The following ATP9B variants were observed in gnomAD, a reference collection of about 807,000 sequenced individuals.
ATP9B encodes the protein probable phospholipid-transporting ATPase IIB.
Under a neutral mutation model 146.1 loss-of-function variants are expected in ATP9B, and 110 were observed. That is an observed-to-expected ratio of 0.75 (90% CI 0.65 to 0.88). The LOEUF (loss-of-function observed/expected upper bound fraction) is 0.88. Among genes scored for constraint, ATP9B ranks in the 40% least tolerant of loss-of-function variants. The pLI is 0.00. For missense variants in ATP9B, 1,499 were observed against 1,496.4 expected, an observed-to-expected ratio of 1.00 and a Z score of -0.03; for synonymous variants, 604 against 569.7, an observed-to-expected ratio of 1.06 and a Z score of -0.86.
At chr18:79,274,180 CAT>C (rs2096283226) in intron 12 of ATP9B, among the ~76,000 whole-genome samples, 1 of 152,198 alleles carries the variant, frequency 6.6e-6, no homozygotes, top group Admixed American at 6.5e-5. Context: ...GGGGGGGTGA[CAT>C]ATTATGTTAC....
At chr18:79,367,179 G>C (rs113607408) in intron 26 of ATP9B, among the ~76,000 whole-genome samples, 2 of 30,984 alleles carry the variant, frequency 6.5e-5, no homozygotes, top group Non-Finnish European at 1.2e-4. Flanking sequence ...AGAGCACACA[G>C]ATACCTTCAC....
chr18:79,089,905 A>G (rs1029727174), intron 1 of ATP9B, among the ~76,000 whole-genome samples: 17 of 152,126 alleles, frequency 1.1e-4, no homozygotes, highest in Non-Finnish European at 2.4e-4. Context: ...TTACCCATCC[A>G]TTCTTTGTCC....
intron 10 of ATP9B, among the ~76,000 whole-genome samples, chr18:79,209,961 C>G (rs1449267727): frequency 6.6e-6 from 1 of 152,126 alleles, no homozygotes; most frequent in Non-Finnish European, 1.5e-5. Context: ...TACTCTTATA[C>G]TTTAAAAGTC....
At chr18:79,210,594 G>T (rs915272538) in intron 10 of ATP9B, among the ~76,000 whole-genome samples, 1 of 152,232 alleles carries the variant, frequency 6.6e-6, no homozygotes, top group Non-Finnish European at 1.5e-5. Flanking sequence ...TCAGTTCACG[G>T]TCTTCATCAG....
intron 1 of ATP9B, among the ~76,000 whole-genome samples, chr18:79,071,003 A>G (rs1391438690): frequency 8.0e-6 from 1 of 124,514 alleles, no homozygotes; most frequent in African/African-American, 3.1e-5. Context: ...TGTGCCATTT[A>G]TTATCTGTGT....
intron 12 of ATP9B, among the ~76,000 whole-genome samples, chr18:79,276,657 A>G (rs965148323): frequency 6.6e-6 from 1 of 152,212 alleles, no homozygotes; most frequent in Non-Finnish European, 1.5e-5. Flanking sequence ...TTTCTGTCCC[A>G]TCTGGTGTTA....
rs57366646 is a variant in ATP9B at position 79,249,079 on chromosome 18, TAA to T, written c.1108-4289_1108-4288del. Among the ~76,000 whole-genome samples, 776 of 141,606 alleles carry T rather than the reference TAA, an allele frequency of 5.5e-3. 11 individuals are homozygous for T. The highest frequency in any genetic ancestry group is 0.018 in the African/African-American group (694 of 39,004). The allele number at this position is 141,606 out of a possible 152,430, so 92.9% of individuals were successfully genotyped here. A position where few individuals can be genotyped will look rare whatever the true frequency, so the allele number is the denominator to read the frequency against. On this transcript the variant is annotated intron_variant, in intron 11 of 29. Coordinates refer to ENST00000426216, the MANE Select transcript of ATP9B (RefSeq NM_198531.5). Reference sequence around the variant, plus strand: ...ATTCTCACTCGTCCGAGCATTCATTTAAAAAAAAAAAAAAGCCTGATCTTTTC... The same window carrying T: ...ATTCTCACTCGTCCGAGCATTCATTTAAAAAAAAAAAAGCCTGATCTTTTC...
intron 1 of ATP9B, among the ~76,000 whole-genome samples, chr18:79,083,551 ATC>A (rs1358527541): frequency 1.3e-5 from 2 of 152,250 alleles, no homozygotes; most frequent in South Asian, 4.1e-4. Flanking sequence ...ATCGAAAGGA[ATC>A]TCCTGGTCTG....
At chr18:79,299,999 G>A (rs1188001385) in intron 13 of ATP9B, 3 of 152,336 alleles carry the variant, frequency 2.0e-5, no homozygotes, top group Non-Finnish European at 4.4e-5. Flanking sequence ...TTGGTAAGCA[G>A]TGGCGAGGCA....
rs1031423410 is a variant in ATP9B at position 79,083,802 on chromosome 18, C to T, written c.120-12674C>T. On this transcript the variant is annotated intron_variant, in intron 1 of 29. Transcript: ENST00000426216. ...CTCAGTTAGAAATGCAGAAATAACT[C>T]GCCTTTTGCCTTGATCTCATTGGGA... Among the ~76,000 whole-genome samples, 8 of 151,962 alleles carry T rather than the reference C, an allele frequency of 5.3e-5. 1 individual carries two copies. Among genetic ancestry groups the T allele is most frequent in the South Asian group, 4.2e-4 (2 of 4,810 alleles).
At chr18:79,087,950 G>A (rs1019356426) in intron 1 of ATP9B, among the ~76,000 whole-genome samples, 2 of 152,056 alleles carry the variant, frequency 1.3e-5, no homozygotes, top group South Asian at 2.1e-4. Context: ...GATTTTTCTT[G>A]AGTGACAAAC....
At chr18:79,218,228 T>C (rs546682636) in intron 11 of ATP9B, among the ~76,000 whole-genome samples, 1 of 151,138 alleles carries the variant, frequency 6.6e-6, no homozygotes, top group Admixed American at 6.6e-5. Flanking sequence ...TCGTGTTCCA[T>C]GTCCGGCACA....
intron 9 of ATP9B, among the ~76,000 whole-genome samples, chr18:79,193,737 C>A (rs1212091004): frequency 6.6e-6 from 1 of 152,210 alleles, no homozygotes; most frequent in Non-Finnish European, 1.5e-5. Context: ...TTGCCCCTGA[C>A]TAACAGGGCT....
chr18:79,108,287 T>A (rs1242401362), intron 2 of ATP9B, among the ~76,000 whole-genome samples: 1 of 152,176 alleles, frequency 6.6e-6, no homozygotes, highest in Non-Finnish European at 1.5e-5. Flanking sequence ...TTACTCTATT[T>A]TATTTGAAGC....
intron 23 of ATP9B, among the ~76,000 whole-genome samples, chr18:79,346,383 C>G (rs191199948): frequency 0.022 from 3,340 of 151,658 alleles, 59 homozygotes; most frequent in Middle Eastern, 0.055. Context: ...ACTTGGTACA[C>G]TTGTTTAGCA....
intron 5 of ATP9B, among the ~76,000 whole-genome samples, chr18:79,138,814 C>G (rs375967469): frequency 1.5e-5 from 2 of 133,690 alleles, no homozygotes; most frequent in South Asian, 5.5e-4. Flanking sequence ...GGTGTGGTGG[C>G]TCCTGCCGTA....
chr18:79,105,382 T>G (rs11873561), intron 2 of ATP9B, among the ~76,000 whole-genome samples: 10,520 of 152,228 alleles, frequency 0.069, 1,265 homozygotes, highest in African/African-American at 0.24. Context: ...ATTGTAACTA[T>G]TATTAATGAG....
At position 79,274,300 on chromosome 18, in the gene ATP9B, A is replaced by G. The variant is rs192315747; in HGVS notation, c.1269-2754A>G. Among the ~76,000 whole-genome samples, 12 of 152,356 alleles carry G rather than the reference A, an allele frequency of 7.9e-5. No individual in the cohort carries two copies. In the East Asian group the frequency reaches 1.7e-3, roughly 22 times the overall value. On this transcript the variant is annotated intron_variant, in intron 12 of 29. Transcript: ENST00000426216. ...CAGCAGTGATAGCTATACTCTGCCA[A>G]CTTAGTGTTTGAAATCTGAGCATCA...
At chr18:79,297,425 C>T (rs902178716) in intron 13 of ATP9B, among the ~76,000 whole-genome samples, 1 of 152,228 alleles carries the variant, frequency 6.6e-6, no homozygotes, top group Non-Finnish European at 1.5e-5. Flanking sequence ...CCAGACACCA[C>T]AGGGGCTAGC....
Sources: allele counts gnomAD v4.1 joint callset (sites outside exome capture counted in the v4.1 genomes callset), GRCh38; gene constraint gnomAD v4.1.1; transcripts MANE v1.5; gene names NCBI Gene and HGNC (gene_info 2026-07-23, HGNC 2026-07-21).